Variants in CCDC73 observed in about 807,000 individuals in gnomAD.
CCDC73 encodes coiled-coil domain containing 73, also known as coiled-coil domain-containing protein 73.
In CCDC73, 95 loss-of-function variants were observed where a neutral mutation model predicts 116.5. The observed-to-expected ratio is 0.82, with a 90% confidence interval of 0.69 to 0.97. CCDC73 has a LOEUF of 0.97. Ranked by LOEUF, CCDC73 falls within the 50% of genes least tolerant of loss-of-function variation. CCDC73 has a pLI of 0.00. For synonymous variants in CCDC73, 398 were observed against 401.3 expected, an observed-to-expected ratio of 0.99 and a Z score of 0.10; for missense variants, 1,066 against 1,206.8, an observed-to-expected ratio of 0.88 and a Z score of 1.73.
intron 6 of CCDC73, among the ~76,000 whole-genome samples, chr11:32,688,597 C>T (rs1024871622): frequency 4.6e-5 from 7 of 152,234 alleles, no homozygotes; most frequent in Middle Eastern, 3.4e-3. Flanking sequence ...TATGGTTTTA[C>T]AGGAGAATGT....
intron 2 of CCDC73, among the ~76,000 whole-genome samples, chr11:32,723,408 T>G (rs948021958): frequency 2.0e-5 from 3 of 152,188 alleles, no homozygotes; most frequent in Non-Finnish European, 4.4e-5. Context: ...CTTGAGTACT[T>G]TTCAGACCAA....
At chr11:32,653,695 T>TA (rs1855846549) in intron 11 of CCDC73, among the ~76,000 whole-genome samples, 1 of 152,144 alleles carries the variant, frequency 6.6e-6, no homozygotes, top group African/African-American at 2.4e-5. Context: ...AAGCATCAAA[T>TA]AGACTCAAAT....
At chr11:32,716,913 T>C (rs1291685801) in intron 3 of CCDC73, among the ~76,000 whole-genome samples, 1 of 152,248 alleles carries the variant, frequency 6.6e-6, no homozygotes, top group Non-Finnish European at 1.5e-5. Flanking sequence ...AACTTTATGC[T>C]GTTAGCTCTA....
At chr11:32,772,372 T>G (rs975619349) in intron 1 of CCDC73, among the ~76,000 whole-genome samples, 5 of 152,042 alleles carry the variant, frequency 3.3e-5, no homozygotes, top group African/African-American at 4.8e-5. Flanking sequence ...TGTTCTAGAT[T>G]AAAGGACAAC....
At chr11:32,809,860 T>G in the CCDC73 span, among the ~76,000 whole-genome samples, 1 of 152,210 alleles carries the variant, frequency 6.6e-6, no homozygotes, top group African/African-American at 2.4e-5. Context: ...TAATATCTGC[T>G]TACCATCCTG....
chr11:32,661,831 C>T (rs758197443), intron 9 of CCDC73, among the ~76,000 whole-genome samples: 19 of 151,852 alleles, frequency 1.3e-4, no homozygotes, highest in Non-Finnish European at 2.6e-4. Flanking sequence ...CTATCCCTCC[C>T]CTCTCCCCCG....
chr11:32,744,750 C>G (rs1850219414), intron 2 of CCDC73, among the ~76,000 whole-genome samples: 1 of 152,086 alleles, frequency 6.6e-6, no homozygotes, highest in South Asian at 2.1e-4. Context: ...GATCAGTCGT[C>G]ATATCCCCTT....
chr11:32,644,803 T>C (rs950021830), intron 12 of CCDC73, among the ~76,000 whole-genome samples: 7 of 152,314 alleles, frequency 4.6e-5, no homozygotes, highest in African/African-American at 9.6e-5. Flanking sequence ...GTCTCTCTAA[T>C]TGTGGCTTTT....
intron 17 of CCDC73, chr11:32,606,209 T>TTAA (rs1855349536): frequency 1.3e-5 from 2 of 152,208 alleles, no homozygotes; most frequent in South Asian, 4.1e-4. Context: ...TTAACAGAAT[T>TTAA]GATGTGGACT....
At chr11:32,704,792 T>A (rs1158221615) in intron 3 of CCDC73, among the ~76,000 whole-genome samples, 1 of 152,198 alleles carries the variant, frequency 6.6e-6, no homozygotes, top group African/African-American at 2.4e-5. Context: ...TCCTCCACTC[T>A]GAGGCAATAA....
intron 12 of CCDC73, among the ~76,000 whole-genome samples, chr11:32,645,467 T>C (rs1436093338): frequency 6.6e-6 from 1 of 152,000 alleles, no homozygotes; most frequent in African/African-American, 2.4e-5. Context: ...ATTTTTGTAT[T>C]TTTAGTAGAG....
chr11:32,641,434 T>C (rs1181028245), intron 13 of CCDC73, among the ~76,000 whole-genome samples: 4 of 151,914 alleles, frequency 2.6e-5, no homozygotes, highest in Admixed American at 2.6e-4. Flanking sequence ...AAAAATATGA[T>C]TTAAGGAAAC....
At chr11:32,767,921 T>G (rs1157914593) in intron 1 of CCDC73, among the ~76,000 whole-genome samples, 2 of 152,180 alleles carry the variant, frequency 1.3e-5, no homozygotes, top group Non-Finnish European at 2.9e-5. Context: ...TGGCGATTCC[T>G]CAAGGATCTA....
At chr11:32,784,251 A>G (rs1018228426) in intron 1 of CCDC73, among the ~76,000 whole-genome samples, 13 of 151,892 alleles carry the variant, frequency 8.6e-5, no homozygotes, top group African/African-American at 3.1e-4. Context: ...AATCGCTTGA[A>G]CCTGGGAGGC....
chr11:32,817,309 G>T, the CCDC73 span, among the ~76,000 whole-genome samples: 1 of 152,158 alleles, frequency 6.6e-6, no homozygotes, highest in South Asian at 2.1e-4. Flanking sequence ...TACTTCTGTG[G>T]CATAAGTTGC....
chr11:32,720,898 T>A (rs529288845), intron 2 of CCDC73, among the ~76,000 whole-genome samples: 175 of 152,306 alleles, frequency 1.1e-3, no homozygotes, highest in African/African-American at 4.1e-3. Context: ...ATTATACAGG[T>A]GTATTCACCT....
At chr11:32,802,851 C>A in the CCDC73 span, among the ~76,000 whole-genome samples, 1 of 151,872 alleles carries the variant, frequency 6.6e-6, no homozygotes, top group Admixed American at 6.6e-5. Context: ...CTCCCAGGTT[C>A]AAGCAATTCT....
chr11:32,806,630 C>CAAAA, the CCDC73 span, among the ~76,000 whole-genome samples: 4 of 125,550 alleles, frequency 3.2e-5, no homozygotes, highest in Non-Finnish European at 1.7e-5. Context: ...AGACCTGTCT[C>CAAAA]AAAAAAAAAA....
At chr11:32,770,007 C>T (rs528584538) in intron 1 of CCDC73, among the ~76,000 whole-genome samples, 68 of 152,310 alleles carry the variant, frequency 4.5e-4, no homozygotes, top group Admixed American at 7.8e-4. Context: ...TGCTGTATAA[C>T]AAACCACCCA....
Sources: allele counts gnomAD v4.1 joint callset (sites outside exome capture counted in the v4.1 genomes callset), GRCh38; gene constraint gnomAD v4.1.1; transcripts MANE v1.5; gene names NCBI Gene and HGNC (gene_info 2026-07-23, HGNC 2026-07-21).